ATG7: variants seen among roughly 807,000 people sequenced by gnomAD.
The protein encoded by ATG7 is autophagy related 7, also known as ubiquitin-like modifier-activating enzyme ATG7.
ATG7 carries 70 observed loss-of-function variants against 82.4 expected under a neutral mutation model. The observed-to-expected ratio is 0.85, with a 90% CI of 0.70 to 1.04. ATG7 has a LOEUF of 1.04. Among genes scored for constraint, ATG7 ranks in the 50% least tolerant of loss-of-function variants. The pLI, the probability that ATG7 is intolerant of heterozygous loss-of-function variation, is 0.00. For missense variants in ATG7, 792 were observed against 864.3 expected (o/e 0.92, Z 1.05); for synonymous variants, 287 against 313.0 (o/e 0.92, Z 0.88).
intron 20 of ATG7, among the ~76,000 whole-genome samples, chr3:11,539,062 G>T (rs1559815943): frequency 2.0e-5 from 3 of 150,714 alleles, no homozygotes. Context: ...CAGCTTCCAA[G>T]AACTTACCAC....
intron 9 of ATG7, among the ~76,000 whole-genome samples, chr3:11,317,149 C>T (rs567101157): frequency 2.0e-5 from 3 of 152,156 alleles, no homozygotes; most frequent in East Asian, 3.9e-4. Context: ...CCAGAGGAAG[C>T]CCTTTTTAAA....
chr3:11,306,889 C>T (rs1575324767), intron 5 of ATG7, 54 bp from the exon 6 acceptor site: 82 of 1,429,218 alleles, frequency 5.7e-5, no homozygotes, highest in Non-Finnish European at 8.1e-5. Context: ...TGACTTGTCT[C>T]TCCCTGGCTG....
intron 19 of ATG7, among the ~76,000 whole-genome samples, chr3:11,408,735 A>C (rs1439340312): frequency 6.6e-6 from 1 of 152,192 alleles, no homozygotes; most frequent in Non-Finnish European, 1.5e-5. Flanking sequence ...CCCATTAACT[A>C]TCATGAGAAC....
At chr3:11,299,339 A>G in intron 4 of ATG7, 23 bp from the exon 5 acceptor site, 2 of 1,600,404 alleles carry the variant, frequency 1.2e-6, no homozygotes, top group Non-Finnish European at 1.7e-6. Context: ...TGTCATTGAA[A>G]ATGTGATAAT....
rs1947863953 is a variant in ATG7, at chr3:11,307,022, G to A, written c.295G>A (p.Ala99Thr). The change falls in exon 6 of 21, where the codon GCA (alanine) becomes ACA (threonine). Residue 99 changes from alanine (A) to threonine (T), a missense_variant. Physicochemically the swap from Ala to Thr is moderately conservative, Grantham distance 58. Transcript: ENST00000693202. Reference sequence around the variant, plus strand: ...CAACACACTCGAGTCTTTCAAGACTGCAGATAAGAAGCTCCTTTTGGAACA... The same window carrying A: ...CAACACACTCGAGTCTTTCAAGACTACAGATAAGAAGCTCCTTTTGGAACA... Reference protein sequence around the residue: ...NTNTLESFKTADKKLLLEQAA... With the variant: ...NTNTLESFKTTDKKLLLEQAA... 2 of 1,613,914 alleles carry A rather than the reference G, an allele frequency of 1.2e-6. No homozygotes were observed. The highest frequency in any genetic ancestry group is 2.2e-5 in the East Asian group (1 of 44,878).
At chr3:11,334,953 CA>C (rs57211483) in intron 11 of ATG7, among the ~76,000 whole-genome samples, 2,316 of 119,380 alleles carry the variant, frequency 0.019, 40 homozygotes, top group African/African-American at 0.071. Context: ...GACTCTGTCT[CA>C]AAAAAAAAAA....
intron 20 of ATG7, among the ~76,000 whole-genome samples, chr3:11,543,206 T>C (rs1341385908): frequency 6.6e-6 from 1 of 152,250 alleles, no homozygotes; most frequent in Admixed American, 6.5e-5. Context: ...GCTTTACATC[T>C]TACCAGCCGC....
At chr3:11,419,077 T>G (rs1310641558) in intron 19 of ATG7, among the ~76,000 whole-genome samples, 1 of 152,222 alleles carries the variant, frequency 6.6e-6, no homozygotes, top group East Asian at 1.9e-4. Flanking sequence ...TGGTTTCTCC[T>G]GTGACCTCAC....
At position 11,296,923 on chromosome 3, in the gene ATG7, A is replaced by C. The variant is rs78427473; in HGVS notation, c.-10-1763A>C. On this transcript the variant is annotated intron_variant, in intron 3 of 20. Coordinates refer to ENST00000693202, the MANE Select transcript of ATG7 (RefSeq NM_001349232.2). The stretch of plus-strand genomic sequence containing the variant: ...TGTAGGAGCACTAACTTTGTATTTC[A>C]TTATACAGTTTCTATCAATCCAAAG... 4.4e-3 allele frequency among the ~76,000 whole-genome samples: 669 copies of C among 152,298 alleles called. 6 individuals carry two copies. The highest frequency in any genetic ancestry group is 0.015 in the African/African-American group (626 of 41,568).
downstream of ATG7, chr3:11,558,964 C>T (rs950932105): frequency 3.8e-6 from 4 of 1,062,306 alleles, no homozygotes; most frequent in African/African-American, 6.3e-5. Flanking sequence ...ACAGAACCCA[C>T]CTCCCCCGGC....
intron 20 of ATG7, among the ~76,000 whole-genome samples, chr3:11,535,326 A>T (rs1161628982): frequency 6.6e-6 from 1 of 152,198 alleles, no homozygotes; most frequent in African/African-American, 2.4e-5. Flanking sequence ...TCAGAGGGAA[A>T]GGCCATCTCG....
At chr3:11,495,017 A>G (rs1035650108) in intron 20 of ATG7, among the ~76,000 whole-genome samples, 1 of 152,102 alleles carries the variant, frequency 6.6e-6, no homozygotes, top group Non-Finnish European at 1.5e-5. Context: ...GGTTGCAGTG[A>G]GCCGAGATTG....
At chr3:11,490,506 C>T (rs9851487) in intron 20 of ATG7, among the ~76,000 whole-genome samples, 1 of 150,526 alleles carries the variant, frequency 6.6e-6, no homozygotes, top group East Asian at 2.0e-4. Context: ...GAATTTGATC[C>T]TGTCATTATG....
chr3:11,520,446 A>T (rs1262144734), intron 20 of ATG7, among the ~76,000 whole-genome samples: 1 of 152,268 alleles, frequency 6.6e-6, no homozygotes, highest in East Asian at 1.9e-4. Flanking sequence ...CTTATAGCTC[A>T]GCAGCGAGTG....
intron 11 of ATG7, among the ~76,000 whole-genome samples, 173 bp downstream of exon 11, chr3:11,333,266 A>G (rs1485194096): frequency 6.6e-6 from 1 of 152,236 alleles, no homozygotes; most frequent in Admixed American, 6.5e-5. Flanking sequence ...TCTGCTATTC[A>G]GACTGGAACA....
In ATG7 at chr3:11,517,944, A is replaced by G. The variant is rs188665725; in HGVS notation, c.2080-36867A>G. ...CAGAAAGATGGGCACAGTGTGAGGG[A>G]TGGATTGGGGTGATCAGGCTGGCTC... is the stretch of plus-strand genomic sequence containing the variant. On this transcript the variant is annotated intron_variant, in intron 20 of 20. Transcript: ENST00000693202. 3.9e-3 allele frequency among the ~76,000 whole-genome samples: 601 copies of G among 152,226 alleles called. 9 individuals are homozygous for G. The highest frequency in any genetic ancestry group is 4.4e-3 in the Non-Finnish European group (301 of 68,014).
Position 11,342,132 on chromosome 3 carries a change from T to C in ATG7, c.981-3T>C. On this transcript the variant is annotated splice_region_variant and splice_polypyrimidine_tract_variant and intron_variant, in intron 12 of 20. Coordinates refer to ENST00000693202, the MANE Select transcript of ATG7 (RefSeq NM_001349232.2). The stretch of plus-strand genomic sequence containing the variant: ...CTGAATAAGTAAATCTCTCCTTTTC[T>C]AGGTTAGCTGAGTCATCAGTGGATC... 6.2e-7 allele frequency: 1 copy of C among 1,610,076 alleles called. No homozygotes were observed. Among genetic ancestry groups the C allele is most frequent in the South Asian group, 1.1e-5 (1 of 90,432 alleles).
intron 7 of ATG7, among the ~76,000 whole-genome samples, chr3:11,310,853 T>C (rs58629804): frequency 0.2 from 30,988 of 152,008 alleles, 3,535 homozygotes; most frequent in South Asian, 0.35. Flanking sequence ...AGGATGGTCT[T>C]GATCTCCTGA....
chr3:11,325,116 G>A lies in ATG7; in HGVS notation c.679-6224G>A, dbSNP rs191821086. ...GCCTAGGAACAACAAGCTATACCAG[G>A]TAGCCCAGGTGTGGTGTAGTAGGCT... On this transcript the variant is annotated intron_variant, in intron 9 of 20. Transcript: ENST00000693202. 1.8e-3 allele frequency among the ~76,000 whole-genome samples: 274 copies of A among 152,272 alleles called. 1 individual carries two copies. The highest frequency in any genetic ancestry group is 4.4e-3 in the Admixed American group (67 of 15,300).
Sources: allele counts gnomAD v4.1 joint callset (sites outside exome capture counted in the v4.1 genomes callset), GRCh38; gene constraint gnomAD v4.1.1; transcripts MANE v1.5; gene names NCBI Gene and HGNC (gene_info 2026-07-23, HGNC 2026-07-21).